The following MARCHF1 variants were observed in gnomAD, a reference collection of about 807,000 sequenced individuals.
MARCHF1 encodes the protein membrane associated ring-CH-type finger 1.
A neutral mutation model predicts 54.2 loss-of-function variants in MARCHF1; 40 were observed. The observed-to-expected ratio is 0.74, with a 90% CI of 0.57 to 0.96. MARCHF1 has a LOEUF of 0.96. Ranked by LOEUF, MARCHF1 falls within the 40% of genes least tolerant of loss-of-function variation. The pLI, the probability that MARCHF1 is intolerant of heterozygous loss-of-function variation, is 0.00. For synonymous variants in MARCHF1, 236 were observed against 236.3 expected, an observed-to-expected ratio of 1.00 and a Z score of 0.01; for missense variants, 586 against 656.5, an observed-to-expected ratio of 0.89 and a Z score of 1.17.
chr4:164,278,753 C>G (rs1334755207), intron 1 of MARCHF1, among the ~76,000 whole-genome samples: 1 of 152,062 alleles, frequency 6.6e-6, no homozygotes, highest in Non-Finnish European at 1.5e-5. Flanking sequence ...TGGATTAATT[C>G]CTTTTAGAAG....
intron 2 of MARCHF1, among the ~76,000 whole-genome samples, chr4:164,009,133 T>G (rs1024835975): frequency 2.6e-5 from 4 of 151,966 alleles, no homozygotes; most frequent in Non-Finnish European, 4.4e-5. Context: ...ATGTAAAAAC[T>G]GAGACCTCAG....
chr4:164,021,235 G>T (rs907544642), intron 2 of MARCHF1, among the ~76,000 whole-genome samples: 3 of 152,070 alleles, frequency 2.0e-5, no homozygotes, highest in Admixed American at 1.3e-4. Flanking sequence ...CCTAATTGTG[G>T]TCTAGCCAGT....
rs182647411 is a variant in MARCHF1, at chr4:164,030,155, G to A, written c.-247-41446C>T. On this transcript the variant is annotated intron_variant, in intron 2 of 9. Coordinates refer to ENST00000514618, the MANE Select transcript of MARCHF1 (RefSeq NM_001394959.1). ...ACTTTAAATCATTTACAAAGGGTTC[G>A]TATATTTAAAATTTTGATAAGAATA... Among the ~76,000 whole-genome samples, 101 of 151,334 alleles carry A rather than the reference G, an allele frequency of 6.7e-4. 1 individual carries two copies. Among genetic ancestry groups the A allele is most frequent in the African/African-American group, 2.2e-3 (91 of 41,258 alleles).
intron 1 of MARCHF1, among the ~76,000 whole-genome samples, chr4:164,298,765 G>A (rs1482086130): frequency 3.3e-5 from 5 of 152,062 alleles, no homozygotes; most frequent in Non-Finnish European, 7.4e-5. Flanking sequence ...TTGCTCTTCT[G>A]AGAGTGTCTC....
intron 1 of MARCHF1, among the ~76,000 whole-genome samples, chr4:164,199,681 CAGAGAGAGAGAGAGAG>C (rs70952609): frequency 8.4e-4 from 40 of 47,660 alleles, no homozygotes; most frequent in African/African-American, 3.3e-3. Context: ...CACACACACA[CAGAGAGAGAGAGAGAG>C]AGAGAGAGAG....
intron 1 of MARCHF1, among the ~76,000 whole-genome samples, chr4:164,148,878 A>T (rs1386108334): frequency 1.3e-5 from 2 of 152,104 alleles, no homozygotes. Context: ...TCCTAACACG[A>T]TATTTAATTT....
chr4:163,560,730 T>C (rs189454896), intron 8 of MARCHF1, among the ~76,000 whole-genome samples: 4 of 152,174 alleles, frequency 2.6e-5, no homozygotes, highest in African/African-American at 4.8e-5. Context: ...GGTACAGGTC[T>C]TGTGTATTTT....
At chr4:163,796,221 G>GT (rs36039503) in intron 4 of MARCHF1, among the ~76,000 whole-genome samples, 3,056 of 82,106 alleles carry the variant, frequency 0.037, 134 homozygotes, top group East Asian at 0.069. Context: ...GAAACTTCTA[G>GT]TTTTTTTTTT....
intron 4 of MARCHF1, among the ~76,000 whole-genome samples, chr4:163,839,596 T>C (rs1361303370): frequency 1.3e-5 from 2 of 152,170 alleles, no homozygotes; most frequent in East Asian, 3.9e-4. Context: ...AAGATGTCAG[T>C]CACAAAAGAC....
chr4:163,845,844 C>G (rs568789108), intron 4 of MARCHF1, among the ~76,000 whole-genome samples: 1 of 152,066 alleles, frequency 6.6e-6, no homozygotes. Context: ...AAAGTTAATA[C>G]GATACTTTAA....
chr4:164,323,119 C>T (rs1391871650), intron 1 of MARCHF1, among the ~76,000 whole-genome samples: 1 of 151,786 alleles, frequency 6.6e-6, no homozygotes, highest in Non-Finnish European at 1.5e-5. Flanking sequence ...AAAAATAAAT[C>T]ATATACTTTC....
At chr4:163,739,182 T>C (rs1427808410) in intron 4 of MARCHF1, among the ~76,000 whole-genome samples, 2 of 152,216 alleles carry the variant, frequency 1.3e-5, no homozygotes, top group Non-Finnish European at 2.9e-5. Flanking sequence ...ATCTTTGAAA[T>C]ATTTCACAAC....
At chr4:163,964,563 C>A (rs1199800619) in intron 3 of MARCHF1, among the ~76,000 whole-genome samples, 1 of 152,030 alleles carries the variant, frequency 6.6e-6, no homozygotes, top group Non-Finnish European at 1.5e-5. Flanking sequence ...ACTTTGGGAA[C>A]CCTGGCTTAA....
chr4:164,348,493 A>C (rs1730178491), intron 1 of MARCHF1, among the ~76,000 whole-genome samples: 2 of 152,132 alleles, frequency 1.3e-5, no homozygotes, highest in African/African-American at 4.8e-5. Flanking sequence ...GACGTAGCTT[A>C]TTTGTAAGTA....
rs1417497166 is a variant in MARCHF1, at chr4:164,076,198, A to G, written c.-248+35390T>C. Among the ~76,000 whole-genome samples, 4 of 152,170 alleles carry G rather than the reference A, an allele frequency of 2.6e-5. No individual in the cohort carries two copies. The East Asian group carries it at 5.8e-4, about 22-fold the overall frequency. The stretch of plus-strand genomic sequence containing the variant: ...AAGTAGCCCATAAGAGAAAACAAAC[A>G]AATTGGAATCAAGTACATTAGAAAA... On this transcript the variant is annotated intron_variant, in intron 2 of 9. Transcript: ENST00000514618.
chr4:163,637,862 G>C (rs1742398055), intron 5 of MARCHF1, among the ~76,000 whole-genome samples: 1 of 151,366 alleles, frequency 6.6e-6, no homozygotes, highest in African/African-American at 2.4e-5. Context: ...AACAATGATA[G>C]ACTGGATTAA....
chr4:164,129,366 T>G (rs1186980609), intron 1 of MARCHF1, among the ~76,000 whole-genome samples: 2 of 152,164 alleles, frequency 1.3e-5, no homozygotes, highest in African/African-American at 4.8e-5. Context: ...ATGTTTAATT[T>G]GAAGAACTGA....
intron 5 of MARCHF1, among the ~76,000 whole-genome samples, chr4:163,624,971 T>C (rs1741819494): frequency 6.6e-6 from 1 of 152,194 alleles, no homozygotes; most frequent in Non-Finnish European, 1.5e-5. Context: ...GCTTCAGTGG[T>C]TTCTCGTTAT....
rs1176341196 is a variant in MARCHF1, at chr4:164,247,606, A to G, written c.-322-135944T>C. On this transcript the variant is annotated intron_variant, in intron 1 of 9. Coordinates refer to ENST00000514618, the MANE Select transcript of MARCHF1 (RefSeq NM_001394959.1). The stretch of plus-strand genomic sequence containing the variant: ...CATGTACCCTAAAACTTAAAGTATA[A>G]TAATAAAAAAAAAAAAGTTAAAAGA... Among the ~76,000 whole-genome samples the G allele has an allele frequency of 8.8e-5, 4 of 45,198 alleles. 1 individual carries two copies. In the East Asian group the frequency reaches 2.9e-3, roughly 32 times the overall value. 29.7% of individuals were successfully genotyped at this position (45,198 alleles called of 152,430 possible). A position where few individuals can be genotyped will look rare whatever the true frequency, so the allele number is the denominator to read the frequency against.
Sources: gnomAD v4.1 joint callset for allele counts (sites outside exome capture counted in the v4.1 genomes callset) on GRCh38, gnomAD v4.1.1 for gene constraint, MANE v1.5 for transcripts, NCBI Gene and HGNC (gene_info 2026-07-23, HGNC 2026-07-21) for gene names.